Variants in PTK7 observed in about 807,000 individuals in gnomAD.
PTK7 encodes protein tyrosine kinase 7 (inactive), also known as inactive tyrosine-protein kinase 7.
Under a neutral mutation model 116.6 loss-of-function variants are expected in PTK7, and 39 were observed. That is an observed-to-expected ratio of 0.33 (90% CI 0.26 to 0.44). The LOEUF is 0.44. Ranked by LOEUF, PTK7 falls within the 20% of genes least tolerant of loss-of-function variation. The pLI, the probability that PTK7 is intolerant of heterozygous loss-of-function variation, is 1.00. For missense variants in PTK7, 1,169 were observed against 1,425.6 expected, an observed-to-expected ratio of 0.82 and a Z score of 2.90; for synonymous variants, 546 against 563.6, an observed-to-expected ratio of 0.97 and a Z score of 0.44.
intron 13 of PTK7, 74 bp downstream of exon 13, chr6:43,142,373 G>C: frequency 6.2e-7 from 1 of 1,606,996 alleles, no homozygotes; most frequent in Non-Finnish European, 8.5e-7. Context: ...CTCAGCCCCT[G>C]TGTACAGAAC....
At chr6:43,114,650 G>A (rs976236449) in intron 1 of PTK7, among the ~76,000 whole-genome samples, 1 of 152,002 alleles carries the variant, frequency 6.6e-6, no homozygotes, top group Non-Finnish European at 1.5e-5. Flanking sequence ...TCAGTTCAGC[G>A]ATTGCATCAG....
intron 17 of PTK7, among the ~76,000 whole-genome samples, chr6:43,155,901 A>T (rs991863927): frequency 6.6e-5 from 10 of 152,134 alleles, no homozygotes; most frequent in African/African-American, 2.2e-4. Flanking sequence ...TGTTCTTAAT[A>T]GCCCCAAACT....
At chr6:43,113,963 AC>A (rs1221441576) in intron 1 of PTK7, among the ~76,000 whole-genome samples, 1 of 151,600 alleles carries the variant, frequency 6.6e-6, no homozygotes, top group African/African-American at 2.4e-5. Flanking sequence ...ACAAGCTGTA[AC>A]CTTCAGAATC....
intron 1 of PTK7, among the ~76,000 whole-genome samples, chr6:43,115,374 T>C (rs1768446545): frequency 6.6e-6 from 1 of 152,140 alleles, no homozygotes; most frequent in African/African-American, 2.4e-5. Flanking sequence ...GTAAGGAGAC[T>C]AGGAAGTATC....
At chr6:43,089,360 A>G (rs1228733275) in intron 1 of PTK7, among the ~76,000 whole-genome samples, 1 of 152,188 alleles carries the variant, frequency 6.6e-6, no homozygotes, top group Non-Finnish European at 1.5e-5. Context: ...TCTGTTTACA[A>G]AGCTGGGCTG....
chr6:43,080,128 G>A (rs537727687), intron 1 of PTK7, among the ~76,000 whole-genome samples: 5 of 151,730 alleles, frequency 3.3e-5, no homozygotes, highest in Non-Finnish European at 7.4e-5. Flanking sequence ...TGAGGTGGGC[G>A]GATCATGAGG....
At chr6:43,130,942 A>G (rs1769633566) in intron 5 of PTK7, among the ~76,000 whole-genome samples, 1 of 151,908 alleles carries the variant, frequency 6.6e-6, no homozygotes, top group African/African-American at 2.4e-5. Flanking sequence ...ATGGAAGGGT[A>G]GAGACCCCAG....
intron 1 of PTK7, among the ~76,000 whole-genome samples, chr6:43,080,136 A>T (rs1766294264): frequency 6.7e-6 from 1 of 150,364 alleles, no homozygotes; most frequent in Non-Finnish European, 1.5e-5. Flanking sequence ...GCGGATCATG[A>T]GGTTAGGAGA....
Position 43,147,395 on chromosome 6 carries a change from G to T in PTK7, c.2721+697G>T, listed in dbSNP as rs140604832. ...AGTGCCTGGGGCTTGCTGTGGCCCG[G>T]CCCCTTCTTCCTTCCCTCAGGTTCT... On this transcript the variant is annotated intron_variant, in intron 17 of 19. Coordinates refer to ENST00000230419, the MANE Select transcript of PTK7 (RefSeq NM_002821.5). Among the ~76,000 whole-genome samples, 1,395 of 152,296 alleles carry T rather than the reference G, an allele frequency of 9.2e-3. 15 individuals are homozygous for T. The highest frequency in any genetic ancestry group is 0.037 in the Middle Eastern group (11 of 294).
At chr6:43,134,017 T>A (rs912235488) in intron 7 of PTK7, among the ~76,000 whole-genome samples, 6 of 152,172 alleles carry the variant, frequency 3.9e-5, no homozygotes, top group African/African-American at 1.4e-4. Flanking sequence ...GGTCTGAGAA[T>A]CACCTGCTTT....
chr6:43,158,796 C>T, intron 17 of PTK7, 21 bp from the exon 18 acceptor site: 2 of 1,611,612 alleles, frequency 1.2e-6, no homozygotes, highest in South Asian at 1.1e-5. Flanking sequence ...GCTGCTCTAA[C>T]AGGCCCCTTT....
At chr6:43,158,095 G>A (rs1414076387) in intron 17 of PTK7, among the ~76,000 whole-genome samples, 2 of 151,912 alleles carry the variant, frequency 1.3e-5, no homozygotes, top group South Asian at 4.2e-4. Context: ...TCAGGAGATC[G>A]AGACCATCCT....
intron 17 of PTK7, among the ~76,000 whole-genome samples, chr6:43,155,986 T>C (rs1284895378): frequency 6.6e-6 from 1 of 152,088 alleles, no homozygotes; most frequent in Non-Finnish European, 1.5e-5. Context: ...CCCAGCACTT[T>C]GGGAGGCTGA....
Position 43,076,470 on chromosome 6 carries a change from T to C in PTK7, c.-19T>C. ...GCGCCCGCCGTGCGCCCTCAGCTCC[T>C]TTTCCTGAGCCCGCCGCGATGGGAG... On this transcript the variant is annotated 5_prime_UTR_variant, in exon 1 of 20. Transcript: ENST00000230419. This position sits in a 1 kb window ranked among gnomAD's most constrained non-coding sequence, Gnocchi z 5.7. 3 of 1,553,694 alleles carry C rather than the reference T, an allele frequency of 1.9e-6. No individual in the cohort carries two copies. The highest frequency in any genetic ancestry group is 2.6e-6 in the Non-Finnish European group (3 of 1,157,390).
At chr6:43,130,948 C>T (rs1769633749) in intron 5 of PTK7, among the ~76,000 whole-genome samples, 1 of 151,190 alleles carries the variant, frequency 6.6e-6, no homozygotes, top group Non-Finnish European at 1.5e-5. Context: ...GGGTAGAGAC[C>T]CCAGGGATGA....
intron 1 of PTK7, among the ~76,000 whole-genome samples, chr6:43,098,650 C>G (rs1582085353): frequency 6.6e-6 from 1 of 152,244 alleles, no homozygotes; most frequent in East Asian, 1.9e-4. Context: ...GCCACCGCGT[C>G]CTGCCAAGTC....
At position 43,130,502 on chromosome 6, in the gene PTK7, C is replaced by A; in HGVS notation, c.662-9C>A. ...CAGGCTGCATGCTCCCCCATCTTTCCCTCTCCAGATGAAAGCTTTGCCAGG... is the reference window on the plus strand; with the variant it reads ...CAGGCTGCATGCTCCCCCATCTTTCACTCTCCAGATGAAAGCTTTGCCAGG... On this transcript the variant is annotated splice_polypyrimidine_tract_variant and intron_variant, in intron 4 of 19. Coordinates refer to ENST00000230419, the MANE Select transcript of PTK7 (RefSeq NM_002821.5). The A allele has an allele frequency of 1.2e-6, 2 of 1,613,192 alleles. No homozygotes were observed. Among genetic ancestry groups the A allele is most frequent in the Non-Finnish European group, 1.7e-6 (2 of 1,179,414 alleles).
intron 1 of PTK7, among the ~76,000 whole-genome samples, chr6:43,086,516 A>G (rs1008542398): frequency 1.3e-5 from 2 of 151,282 alleles, no homozygotes; most frequent in African/African-American, 4.9e-5. Flanking sequence ...GCTAGCTCGT[A>G]TGGTACCTTT....
At chr6:43,098,109 T>C (rs978646153) in intron 1 of PTK7, among the ~76,000 whole-genome samples, 2 of 152,178 alleles carry the variant, frequency 1.3e-5, no homozygotes, top group African/African-American at 2.4e-5. Context: ...AGGTGTGTGT[T>C]GCAAGGGTTG....
Sources: allele counts gnomAD v4.1 joint callset (sites outside exome capture counted in the v4.1 genomes callset), GRCh38; gene constraint gnomAD v4.1.1; non-coding constraint Gnocchi (gnomAD v3.1); transcripts MANE v1.5; gene names NCBI Gene and HGNC (gene_info 2026-07-23, HGNC 2026-07-21).